The following MTREX variants were observed in gnomAD, a reference collection of about 807,000 sequenced individuals.
MTREX encodes Mtr4 exosome RNA helicase.
A neutral mutation model predicts 135.4 loss-of-function variants in MTREX; 76 were observed. That is an observed-to-expected ratio of 0.56 (90% CI 0.47 to 0.68). MTREX has a LOEUF of 0.68. Among genes scored for constraint, MTREX ranks in the 30% least tolerant of loss-of-function variants. The pLI is 0.00. For missense variants in MTREX, 920 were observed against 1,262.1 expected (o/e 0.73, Z 4.11); for synonymous variants, 404 against 401.6 (o/e 1.01, Z -0.07).
rs151121579 is a variant in MTREX, at chr5:55,349,749, A to G, written c.1320+97A>G. ...GTTTTATTACTCTATTGCACTTTTC[A>G]CACACTGTAGCATATGGGTTGTGAT... On this transcript the variant is annotated intron_variant, in intron 12 of 26. Coordinates refer to ENST00000230640, the MANE Select transcript of MTREX (RefSeq NM_015360.5). 1.8e-4 allele frequency: 125 copies of G among 706,182 alleles called. No individual in the cohort carries two copies. In the African/African-American group the frequency reaches 2.0e-3, roughly 11 times the overall value. 43.7% of individuals were successfully genotyped at this position (706,182 alleles called of 1,614,324 possible).
At chr5:55,409,067 T>G (rs2111609965) in intron 22 of MTREX, among the ~76,000 whole-genome samples, 1 of 152,222 alleles carries the variant, frequency 6.6e-6, no homozygotes, top group East Asian at 1.9e-4. Flanking sequence ...TCCTCCCACC[T>G]CAGCCTCCTG....
At position 55,410,598 on chromosome 5, in the gene MTREX, C is replaced by T. The variant is rs1044417469; in HGVS notation, c.2720C>T (p.Ala907Val). The T allele has an allele frequency of 1.9e-6, 3 of 1,608,696 alleles. No individual in the cohort carries two copies. The highest frequency in any genetic ancestry group is 1.7e-5 in the Admixed American group (1 of 59,664). ...FNDLSAEQATALLSCFVFQEN... is the reference protein window; with the variant it reads ...FNDLSAEQATVLLSCFVFQEN... ...GACCTTTCTGCAGAACAGGCAACAG[C>T]ATTATTAAGCTGCTTTGTGTTTCAA... is the stretch of plus-strand genomic sequence containing the variant. The change falls in exon 23 of 27, where the codon GCA (alanine) becomes GTA (valine). Residue 907 changes from alanine (A) to valine (V), a missense_variant. Around this residue, in one of 6 missense-constraint regions of MTREX, gnomAD observed 467 missense variants for 589.7 expected, o/e 0.79. Coordinates refer to ENST00000230640, the MANE Select transcript of MTREX (RefSeq NM_015360.5).
intron 5 of MTREX, among the ~76,000 whole-genome samples, chr5:55,337,406 A>G (rs568394625): frequency 1.3e-5 from 2 of 152,190 alleles, no homozygotes; most frequent in African/African-American, 4.8e-5. Context: ...CAGCCTCCCA[A>G]AGTGCTGGGA....
intron 21 of MTREX, 64 bp downstream of exon 21, chr5:55,400,485 G>C: frequency 8.7e-7 from 1 of 1,143,196 alleles, no homozygotes; most frequent in Non-Finnish European, 1.2e-6. Context: ...ATATGTGTTT[G>C]TCATTTTCTT....
At chr5:55,327,651 A>G (rs1439168850) in intron 3 of MTREX, 65 bp from the exon 4 acceptor site, 6 of 1,221,924 alleles carry the variant, frequency 4.9e-6, no homozygotes, top group Non-Finnish European at 7.2e-6. Context: ...TCATTATGGA[A>G]TGCTAAATAC....
At chr5:55,392,930 G>T (rs1017737275) in intron 19 of MTREX, among the ~76,000 whole-genome samples, 4 of 152,186 alleles carry the variant, frequency 2.6e-5, no homozygotes, top group Non-Finnish European at 4.4e-5. Flanking sequence ...CCAGGAAAAA[G>T]GTTTGCACTG....
chr5:55,366,074 G>A (rs77861403), intron 15 of MTREX, among the ~76,000 whole-genome samples: 162 of 151,874 alleles, frequency 1.1e-3, no homozygotes, highest in African/African-American at 3.9e-3. Flanking sequence ...TAAACCTTGT[G>A]AGTTTAGGTT....
intron 14 of MTREX, among the ~76,000 whole-genome samples, chr5:55,355,317 C>T (rs1246842667): frequency 6.6e-6 from 1 of 152,160 alleles, no homozygotes; most frequent in Non-Finnish European, 1.5e-5. Context: ...TGGGCCATAT[C>T]AAAGGATTGA....
At chr5:55,324,326 A>G (rs1749336032) in intron 3 of MTREX, 128 bp downstream of exon 3, 1 of 458,508 alleles carries the variant, frequency 2.2e-6, no homozygotes, top group Non-Finnish European at 3.9e-6. Flanking sequence ...TCCATGGGGT[A>G]CCTAGTGGAA....
intron 1 of MTREX, among the ~76,000 whole-genome samples, chr5:55,319,136 A>G (rs1291767355): frequency 2.0e-5 from 3 of 152,134 alleles, no homozygotes; most frequent in African/African-American, 2.4e-5. Context: ...ATTTACCTCT[A>G]GATTTCTAAG....
In MTREX at chr5:55,410,687, G is replaced by A. The variant is rs1288179910; in HGVS notation, c.2751+58G>A. On this transcript the variant is annotated intron_variant, in intron 23 of 26. Coordinates refer to ENST00000230640, the MANE Select transcript of MTREX (RefSeq NM_015360.5). The stretch of plus-strand genomic sequence containing the variant: ...TAATTCACACATCATGTAGTTAATA[G>A]TGTTATGGCTATATTATCAAATATT... 11 of 971,624 alleles carry A rather than the reference G, an allele frequency of 1.1e-5. No homozygotes were observed. The East Asian group carries it at 2.3e-4, about 20-fold the overall frequency. The allele number at this position is 971,624 out of a possible 1,614,324, so 60.2% of individuals were successfully genotyped here. A position where few individuals can be genotyped will look rare whatever the true frequency, so the allele number is the denominator to read the frequency against.
At chr5:55,391,952 T>C (rs1750573874) in intron 19 of MTREX, among the ~76,000 whole-genome samples, 1 of 152,196 alleles carries the variant, frequency 6.6e-6, no homozygotes, top group Non-Finnish European at 1.5e-5. Flanking sequence ...CTTGGCACCC[T>C]ACAAATAAAC....
At chr5:55,328,396 C>T (rs1032648661) in intron 4 of MTREX, among the ~76,000 whole-genome samples, 1 of 152,104 alleles carries the variant, frequency 6.6e-6, no homozygotes, top group Non-Finnish European at 1.5e-5. Context: ...ATGTGTTACA[C>T]AGTGCCTGGC....
intron 13 of MTREX, among the ~76,000 whole-genome samples, chr5:55,351,739 G>C (rs1749831325): frequency 6.6e-6 from 1 of 151,926 alleles, no homozygotes; most frequent in Admixed American, 6.6e-5. Context: ...AAGAGCATCT[G>C]ATTTACTTTT....
chr5:55,331,130 A>G (rs541589392), intron 5 of MTREX, among the ~76,000 whole-genome samples: 2 of 151,950 alleles, frequency 1.3e-5, no homozygotes, highest in East Asian at 3.9e-4. Context: ...AACTTTTAAT[A>G]TCCCTGTTTA....
chr5:55,372,892 ATGTGTGTGTGTGTGTGTGTGTGTGTGTG>A (rs59026723), intron 16 of MTREX, among the ~76,000 whole-genome samples: 38 of 120,988 alleles, frequency 3.1e-4, no homozygotes, highest in African/African-American at 1.1e-3. Flanking sequence ...TAAAACTGTA[ATGTGTGTGTGTGTGTGTGTGTGTGTGTG>A]TGTGTGTGTG....
chr5:55,344,983 C>T lies in MTREX; in HGVS notation c.1006-111C>T, dbSNP rs1749706516. The T allele has an allele frequency of 9.0e-6, 6 of 668,502 alleles. No individual in the cohort carries two copies. In the South Asian group the frequency reaches 1.0e-4, roughly 11 times the overall value. 41.4% of individuals were successfully genotyped at this position (668,502 alleles called of 1,614,324 possible). A position where few individuals can be genotyped will look rare whatever the true frequency, so the allele number is the denominator to read the frequency against. Reference sequence around the variant, plus strand: ...GATCATGTTTGGACTATTTTAGTGGCTTTCATTATTATACTAAATTATTTT... The same window carrying T: ...GATCATGTTTGGACTATTTTAGTGGTTTTCATTATTATACTAAATTATTTT... On this transcript the variant is annotated intron_variant, in intron 9 of 26. Transcript: ENST00000230640.
At chr5:55,376,943 C>T (rs1750312474) in intron 16 of MTREX, among the ~76,000 whole-genome samples, 3 of 151,838 alleles carry the variant, frequency 2.0e-5, no homozygotes, top group South Asian at 2.1e-4. Flanking sequence ...TGGTGTGGCA[C>T]GCCTATAATC....
In MTREX at chr5:55,347,139, A is replaced by G. The variant is rs768295617; in HGVS notation, c.1235A>G (p.Asn412Ser). 6 of 1,599,412 alleles carry G rather than the reference A, an allele frequency of 3.8e-6. No individual in the cohort carries two copies. In the African/African-American group the frequency reaches 5.4e-5, roughly 14 times the overall value. Reference sequence around the variant, plus strand: ...CTTCAAATGACCAAATTAGATTTCAACACAGGTACTACATCATTTCAGTAT... The same window carrying G: ...CTTCAAATGACCAAATTAGATTTCAGCACAGGTACTACATCATTTCAGTAT... ...YALQMTKLDF[N>S]TDEEKKMVEE... The change falls in exon 11 of 27, where the codon AAC (asparagine) becomes AGC (serine). Residue 412 changes from asparagine (N) to serine (S), a missense_variant. Physicochemically the swap from Asn to Ser is conservative, Grantham distance 46 (BLOSUM62 1). This residue lies in a region of MTREX where 101 missense variants were observed against 119.1 expected (regional missense o/e 0.85). Coordinates refer to ENST00000230640, the MANE Select transcript of MTREX (RefSeq NM_015360.5).
Sources: gnomAD v4.1 joint callset for allele counts (sites outside exome capture counted in the v4.1 genomes callset) on GRCh38, gnomAD v4.1.1 for gene constraint, gnomAD v4.1.1 regional missense constraint, MANE v1.5 for transcripts, NCBI Gene and HGNC (gene_info 2026-07-23, HGNC 2026-07-21) for gene names.